CASK: variants seen among roughly 807,000 people sequenced by gnomAD.
CASK encodes the protein peripheral plasma membrane protein CASK.
CASK carries 4 observed loss-of-function variants against 82.9 expected under a neutral mutation model. The observed-to-expected ratio is 0.05, with a 90% CI of 0.02 to 0.11. CASK has a LOEUF of 0.11. CASK is among the 10% of genes least tolerant of loss of function. The pLI is 1.00. For missense variants in CASK, 358 were observed against 720.9 expected, an observed-to-expected ratio of 0.50 and a Z score of 5.76; for synonymous variants, 259 against 253.5, an observed-to-expected ratio of 1.02 and a Z score of -0.20.
Position 41,517,750 on chromosome X carries a change from G to A in CASK, c.*2670C>T. The A allele has an allele frequency of 1.4e-6, 1 of 705,359 alleles. No homozygotes were observed. 58.1% of individuals were successfully genotyped at this position (705,359 alleles called of 1,213,427 possible). ...TAGCAATTTTCTCTGATTGCTTAGT[G>A]GACAATTGTAATGTAGCAGTAGCAG... On this transcript the variant is annotated 3_prime_UTR_variant, in exon 27 of 27. Transcript: ENST00000378163.
intron 5 of CASK, chrX:41,727,222 A>G: frequency 1.7e-6 from 2 of 1,202,246 alleles, no homozygotes; most frequent in Non-Finnish European, 2.3e-6. Context: ...ACTTGTGTGC[A>G]GTGCCATGCC....
At chrX:41,661,856 G>A (rs917292897) in intron 7 of CASK, among the ~76,000 whole-genome samples, 1 of 110,873 alleles carries the variant, frequency 9.0e-6, no homozygotes, top group Non-Finnish European at 1.9e-5. Flanking sequence ...TGAAATTGTG[G>A]TCAACTGACC....
intron 16 of CASK, among the ~76,000 whole-genome samples, chrX:41,567,719 C>CAATTA (rs1158830585): frequency 9.0e-6 from 1 of 111,609 alleles, no homozygotes; most frequent in Non-Finnish European, 1.9e-5. Context: ...TACCATTTGA[C>CAATTA]CCAGCCATGT....
chrX:41,774,589 C>T (rs2069313034), intron 3 of CASK, among the ~76,000 whole-genome samples: 1 of 111,333 alleles, frequency 9.0e-6, no homozygotes, highest in African/African-American at 3.3e-5. Flanking sequence ...CAATCCTAAG[C>T]CAAAAGAACA....
At chrX:41,570,713 G>GT (rs755969097) in intron 15 of CASK, among the ~76,000 whole-genome samples, 6 of 111,632 alleles carry the variant, frequency 5.4e-5, no homozygotes, top group Non-Finnish European at 7.5e-5. Context: ...CTTTTTTGTT[G>GT]TTTTTTTCAC....
At chrX:41,841,727 T>G (rs2071043456) in intron 2 of CASK, among the ~76,000 whole-genome samples, 1 of 111,387 alleles carries the variant, frequency 9.0e-6, no homozygotes, top group Non-Finnish European at 1.9e-5. Context: ...TTTTGCCATG[T>G]TGGCCAGGCT....
At chrX:41,543,483 A>G (rs770122184) in intron 21 of CASK, among the ~76,000 whole-genome samples, 6 of 112,191 alleles carry the variant, frequency 5.3e-5, no homozygotes, top group Non-Finnish European at 7.5e-5. Flanking sequence ...CTACTGCTAC[A>G]TGGAGATTCT....
At chrX:41,628,011 G>GA (rs1223165207) in intron 9 of CASK, among the ~76,000 whole-genome samples, 8 of 108,492 alleles carry the variant, frequency 7.4e-5, no homozygotes, top group African/African-American at 2.3e-4. Flanking sequence ...TCTCAAAAAA[G>GA]AAAAAAAAAG....
intron 5 of CASK, among the ~76,000 whole-genome samples, chrX:41,673,114 T>C (rs771955460): frequency 5.4e-5 from 6 of 111,813 alleles, no homozygotes; most frequent in South Asian, 7.5e-4. Flanking sequence ...TAGGAAGGAG[T>C]AGAAGCTGAA....
intron 24 of CASK, among the ~76,000 whole-genome samples, chrX:41,533,338 G>A (rs1911964053): frequency 8.9e-6 from 1 of 112,497 alleles, no homozygotes; most frequent in South Asian, 3.6e-4. Flanking sequence ...CTGTACTCAT[G>A]ATCTAGACAT....
chrX:41,731,636 C>G (rs2068397953), intron 5 of CASK, among the ~76,000 whole-genome samples: 2 of 111,949 alleles, frequency 1.8e-5, no homozygotes, highest in African/African-American at 6.5e-5. Context: ...ACTATATACT[C>G]AGCTCATTAT....
chrX:41,742,166 C>T (rs2068606218), intron 4 of CASK, among the ~76,000 whole-genome samples: 1 of 111,781 alleles, frequency 8.9e-6, no homozygotes. Context: ...ATCTCTGAGG[C>T]ACAGATGGCT....
At chrX:41,900,649 G>T (rs1601955658) in intron 1 of CASK, among the ~76,000 whole-genome samples, 1 of 58,730 alleles carries the variant, frequency 1.7e-5, no homozygotes, top group Non-Finnish European at 3.3e-5. Context: ...CATATTGTTT[G>T]TGTATTATTT....
intron 2 of CASK, among the ~76,000 whole-genome samples, chrX:41,810,961 A>C (rs1461539401): frequency 1.8e-5 from 2 of 111,458 alleles, no homozygotes; most frequent in African/African-American, 6.5e-5. Flanking sequence ...ACTTTAAACC[A>C]ACAAAGATCA....
At chrX:41,631,727 T>C (rs945621753) in intron 9 of CASK, among the ~76,000 whole-genome samples, 9 of 110,878 alleles carry the variant, frequency 8.1e-5, no homozygotes, top group Non-Finnish European at 1.7e-4. Context: ...CGCCTCAGCC[T>C]CTCAAAGTGC....
chrX:41,655,904 C>G (rs1025704618), intron 8 of CASK, among the ~76,000 whole-genome samples: 1 of 111,807 alleles, frequency 8.9e-6, no homozygotes, highest in African/African-American at 3.3e-5. Flanking sequence ...TGGACAGTCA[C>G]CAGTGGCCTG....
intron 21 of CASK, among the ~76,000 whole-genome samples, chrX:41,545,822 T>TC (rs1398996954): frequency 1.0e-4 from 11 of 108,349 alleles, no homozygotes; most frequent in Admixed American, 2.0e-4. Context: ...GAGATATAAT[T>TC]CCCCCCCCAC....
chrX:41,523,012 C>T (rs1247007000), intron 26 of CASK: 1 of 112,326 alleles, frequency 8.9e-6, no homozygotes, highest in Non-Finnish European at 1.9e-5. Flanking sequence ...CAATTTTCTG[C>T]ACCATTTTGG....
At chrX:41,802,036 CA>C in intron 2 of CASK, among the ~76,000 whole-genome samples, 1 of 110,817 alleles carries the variant, frequency 9.0e-6, no homozygotes, top group East Asian at 2.8e-4. Context: ...ATAAGGCGCT[CA>C]AAAAATGGCC....
Sources: gnomAD v4.1 joint callset for allele counts (sites outside exome capture counted in the v4.1 genomes callset) on GRCh38, gnomAD v4.1.1 for gene constraint, MANE v1.5 for transcripts, NCBI Gene and HGNC (gene_info 2026-07-23, HGNC 2026-07-21) for gene names.